The following GRIK2 variants were observed in gnomAD, a reference collection of about 807,000 sequenced individuals.
GRIK2 encodes the protein glutamate ionotropic receptor kainate type subunit 2.
A neutral mutation model predicts 100.3 loss-of-function variants in GRIK2; 32 were observed. That is an observed-to-expected ratio of 0.32 (90% CI 0.24 to 0.43). The LOEUF is 0.43. Among genes scored for constraint, GRIK2 ranks in the 20% least tolerant of loss-of-function variants. The pLI is 1.00. For synonymous variants in GRIK2, 417 were observed against 389.4 expected (o/e 1.07, Z -0.83); for missense variants, 843 against 1,114.9 (o/e 0.76, Z 3.47).
intron 2 of GRIK2, among the ~76,000 whole-genome samples, chr6:101,528,789 A>G (rs760286779): frequency 3.9e-5 from 6 of 152,218 alleles, no homozygotes; most frequent in Non-Finnish European, 7.3e-5. Flanking sequence ...TGATATGTCC[A>G]GAAACCATAA....
intron 2 of GRIK2, among the ~76,000 whole-genome samples, chr6:101,514,649 C>G (rs1774491872): frequency 6.6e-6 from 1 of 151,992 alleles, no homozygotes; most frequent in African/African-American, 2.4e-5. Flanking sequence ...TGTAGCAATT[C>G]TACCATTTAT....
At chr6:101,394,411 CA>C (rs1774921911) in intron 1 of GRIK2, among the ~76,000 whole-genome samples, 1 of 152,138 alleles carries the variant, frequency 6.6e-6, no homozygotes, top group African/African-American at 2.4e-5. Context: ...TTTAACGAAC[CA>C]CATCCTCTGA....
intron 13 of GRIK2, 131 bp from the exon 14 acceptor site, chr6:101,928,284 T>A (rs572294051): frequency 4.8e-6 from 3 of 621,340 alleles, no homozygotes; most frequent in Non-Finnish European, 8.6e-6. Context: ...GCTTGCTTAC[T>A]AAAGAAATAT....
intron 2 of GRIK2, among the ~76,000 whole-genome samples, chr6:101,457,642 T>C (rs879917807): frequency 4.6e-5 from 7 of 152,184 alleles, no homozygotes; most frequent in Non-Finnish European, 8.8e-5. Context: ...ATTATACTTA[T>C]TTGCTAAAAG....
chr6:101,963,509 C>CTTTTTTTTTTTTTTTTTTTTTTT (rs770178884), intron 14 of GRIK2, among the ~76,000 whole-genome samples: 73 of 106,094 alleles, frequency 6.9e-4, no homozygotes, highest in Non-Finnish European at 9.5e-4. Flanking sequence ...TTCTTTCTTT[C>CTTTTTTTTTTTTTTTTTTTTTTT]TTTTTTTTTT....
intron 4 of GRIK2, among the ~76,000 whole-genome samples, chr6:101,638,983 T>C (rs1781154653): frequency 6.6e-6 from 1 of 152,070 alleles, no homozygotes; most frequent in African/African-American, 2.4e-5. Context: ...TCAGATTCTG[T>C]TTCAAACAAA....
intron 14 of GRIK2, among the ~76,000 whole-genome samples, chr6:101,958,284 G>GTGTGTGTGTGTGTGTGTGTGTGTGT (rs758541113): frequency 5.3e-5 from 1 of 18,880 alleles, no homozygotes; most frequent in Admixed American, 5.3e-4. Flanking sequence ...TGTGTGTGTG[G>GTGTGTGTGTGTGTGTGTGTGTGTGT]GTCCATTGCA....
intron 10 of GRIK2, among the ~76,000 whole-genome samples, chr6:101,820,197 T>C (rs984795582): frequency 6.6e-6 from 1 of 152,182 alleles, no homozygotes; most frequent in Non-Finnish European, 1.5e-5. Context: ...GCTATTCTTA[T>C]TTCATGTGTG....
chr6:101,936,745 C>A (rs369781755), intron 14 of GRIK2, among the ~76,000 whole-genome samples: 1 of 152,050 alleles, frequency 6.6e-6, no homozygotes, highest in African/African-American at 2.4e-5. Flanking sequence ...CAAGTTAAAG[C>A]CATCAATGGT....
intron 4 of GRIK2, among the ~76,000 whole-genome samples, chr6:101,668,519 T>C (rs1480487258): frequency 1.3e-5 from 2 of 152,006 alleles, no homozygotes. Flanking sequence ...AAATTAATTC[T>C]TTGAAAGGCC....
intron 14 of GRIK2, among the ~76,000 whole-genome samples, chr6:102,025,514 T>C (rs1195645558): frequency 6.6e-6 from 1 of 151,098 alleles, no homozygotes; most frequent in African/African-American, 2.4e-5. Flanking sequence ...TCAGCAAACA[T>C]CAAGAGGAAG....
At chr6:101,629,929 A>G (rs1049894338) in intron 4 of GRIK2, among the ~76,000 whole-genome samples, 1 of 152,048 alleles carries the variant, frequency 6.6e-6, no homozygotes, top group Non-Finnish European at 1.5e-5. Context: ...GTATGTACCA[A>G]ATGTTTAGCT....
intron 2 of GRIK2, among the ~76,000 whole-genome samples, chr6:101,473,584 A>G (rs1474365272): frequency 6.6e-6 from 1 of 151,866 alleles, no homozygotes; most frequent in African/African-American, 2.4e-5. Flanking sequence ...TGAACTAACT[A>G]TTCCAATGAC....
intron 4 of GRIK2, among the ~76,000 whole-genome samples, chr6:101,648,221 G>A (rs553110139): frequency 1.3e-5 from 2 of 152,108 alleles, no homozygotes; most frequent in Admixed American, 6.6e-5. Context: ...ACTATAAATA[G>A]ACTCAGTACA....
chr6:101,399,795 A>AAC (rs1775186506), intron 2 of GRIK2, among the ~76,000 whole-genome samples: 1 of 152,190 alleles, frequency 6.6e-6, no homozygotes, highest in Non-Finnish European at 1.5e-5. Flanking sequence ...CTGGTGAGTT[A>AAC]ACACCTGGTA....
At chr6:101,553,939 TGACA>T (rs1776624786) in intron 2 of GRIK2, among the ~76,000 whole-genome samples, 1 of 152,176 alleles carries the variant, frequency 6.6e-6, no homozygotes, top group African/African-American at 2.4e-5. Flanking sequence ...AACTATCTAC[TGACA>T]GACGCAGTCA....
chr6:101,648,571 T>C (rs1781639211), intron 4 of GRIK2, among the ~76,000 whole-genome samples: 1 of 152,098 alleles, frequency 6.6e-6, no homozygotes, highest in South Asian at 2.1e-4. Flanking sequence ...TTTAAAGTGA[T>C]GAGCCAACAT....
chr6:101,613,020 T>C (rs1779750407), intron 2 of GRIK2, among the ~76,000 whole-genome samples: 2 of 151,816 alleles, frequency 1.3e-5, no homozygotes, highest in Admixed American at 6.6e-5. Context: ...TGTTTCACGT[T>C]ATAAAAATGA....
intron 14 of GRIK2, among the ~76,000 whole-genome samples, chr6:101,990,707 G>T (rs1794305797): frequency 6.6e-6 from 1 of 151,496 alleles, no homozygotes. Context: ...TTCAGCTGGT[G>T]CCTTAGTGTC....
Sources: allele counts gnomAD v4.1 joint callset (sites outside exome capture counted in the v4.1 genomes callset), GRCh38; gene constraint gnomAD v4.1.1; transcripts MANE v1.5; gene names NCBI Gene and HGNC (gene_info 2026-07-23, HGNC 2026-07-21).